The following FER variants were observed in gnomAD, a reference collection of about 807,000 sequenced individuals.
FER encodes the protein tyrosine-protein kinase Fer.
In FER, 63 loss-of-function variants were observed where a neutral mutation model predicts 111.0. The ratio of observed to expected loss-of-function variants is 0.57; its 90% CI spans 0.46 to 0.70. The LOEUF is 0.70. FER is among the 30% of genes least tolerant of loss of function. The pLI, the probability that FER is intolerant of heterozygous loss-of-function variation, is 0.00. For synonymous variants in FER, 327 were observed against 313.9 expected (o/e 1.04, Z -0.44); for missense variants, 914 against 954.0 (o/e 0.96, Z 0.55).
chr5:109,014,531 G>C (rs1466116220), intron 13 of FER, among the ~76,000 whole-genome samples: 1 of 152,096 alleles, frequency 6.6e-6, no homozygotes, highest in East Asian at 1.9e-4. Context: ...CTCCAGCTTT[G>C]TTCTTTTGGC....
At chr5:108,785,426 A>G (rs751688552) in intron 2 of FER, 26 of 583,804 alleles carry the variant, frequency 4.5e-5, no homozygotes, top group Non-Finnish European at 7.5e-5. Flanking sequence ...GCAAGAAGTT[A>G]TTAGTACTGG....
rs542165174 is a variant in FER, at chr5:109,187,948, G to A, written c.*373G>A. 1.2e-4 allele frequency: 25 copies of A among 216,122 alleles called. No homozygotes were observed. Among genetic ancestry groups the A allele is most frequent in the African/African-American group, 1.9e-4 (8 of 42,372 alleles). The allele number at this position is 216,122 out of a possible 1,614,324, so 13.4% of individuals were successfully genotyped here. ...CATCCTATGCCACAGACCCTACTCC[G>A]TTGGTGCTATAAACAGCATTGGTAA... On this transcript the variant is annotated 3_prime_UTR_variant, in exon 20 of 20. Transcript: ENST00000281092.
intron 16 of FER, chr5:109,051,380 G>C: frequency 6.2e-7 from 1 of 1,611,488 alleles, no homozygotes; most frequent in Non-Finnish European, 8.5e-7. Context: ...GAAGGTTGCT[G>C]GTCCACAATG....
At chr5:109,140,195 A>G (rs1034404945) in intron 17 of FER, among the ~76,000 whole-genome samples, 1 of 152,242 alleles carries the variant, frequency 6.6e-6, no homozygotes, top group Admixed American at 6.5e-5. Flanking sequence ...CTTAATTCAA[A>G]TAAAGCTTTA....
chr5:108,902,550 A>G (rs185680617), intron 10 of FER, among the ~76,000 whole-genome samples: 1 of 152,196 alleles, frequency 6.6e-6, no homozygotes, highest in East Asian at 1.9e-4. Flanking sequence ...GGGAAATAGT[A>G]TATGGGATGC....
chr5:108,926,203 A>G (rs1753718369), intron 10 of FER, among the ~76,000 whole-genome samples: 1 of 151,296 alleles, frequency 6.6e-6, no homozygotes, highest in East Asian at 1.9e-4. Context: ...TCTGATATAT[A>G]TTCTTTTATT....
At chr5:108,801,050 A>G (rs1261888130) in intron 3 of FER, among the ~76,000 whole-genome samples, 1 of 152,074 alleles carries the variant, frequency 6.6e-6, no homozygotes, top group Non-Finnish European at 1.5e-5. Flanking sequence ...CTGTCTCACA[A>G]AAAAAAATCT....
At chr5:109,048,115 AATTTT>A (rs1347062606) in intron 16 of FER, among the ~76,000 whole-genome samples, 1 of 152,136 alleles carries the variant, frequency 6.6e-6, no homozygotes, top group African/African-American at 2.4e-5. Flanking sequence ...AAACGTTTCT[AATTTT>A]AATTAAAATA....
chr5:109,172,105 A>ACCCAGCCATC (rs1354541533), intron 17 of FER, among the ~76,000 whole-genome samples: 1 of 152,098 alleles, frequency 6.6e-6, no homozygotes, highest in East Asian at 1.9e-4. Context: ...AACTAGAAAT[A>ACCCAGCCATC]CCATTTGACC....
chr5:108,897,418 A>C (rs1431370231), intron 9 of FER, among the ~76,000 whole-genome samples: 1 of 152,168 alleles, frequency 6.6e-6, no homozygotes, highest in Non-Finnish European at 1.5e-5. Context: ...AATGCCATAG[A>C]TCATAATATA....
At chr5:108,880,925 A>G (rs779427666) in intron 8 of FER, among the ~76,000 whole-genome samples, 109 of 152,304 alleles carry the variant, frequency 7.2e-4, no homozygotes, top group South Asian at 1.2e-3. Context: ...CTGAATATGT[A>G]TAATAGTTTT....
At chr5:109,063,997 A>G (rs2149974303) in intron 16 of FER, among the ~76,000 whole-genome samples, 2 of 152,312 alleles carry the variant, frequency 1.3e-5, no homozygotes, top group Admixed American at 1.3e-4. Context: ...ATTTTACATC[A>G]TGCGTAATAT....
chr5:109,100,631 T>G (rs1748107790), intron 17 of FER, 112 bp downstream of exon 17: 1 of 1,107,244 alleles, frequency 9.0e-7, no homozygotes, highest in Non-Finnish European at 1.3e-6. Context: ...TCTTTTCTTG[T>G]TTTCTGTATT....
intron 17 of FER, among the ~76,000 whole-genome samples, chr5:109,133,732 A>T (rs1354249336): frequency 6.6e-6 from 1 of 152,154 alleles, no homozygotes; most frequent in African/African-American, 2.4e-5. Flanking sequence ...TATGTAACAA[A>T]ACTATATTCT....
intron 2 of FER, among the ~76,000 whole-genome samples, chr5:108,780,222 C>G (rs888607307): frequency 6.6e-6 from 1 of 151,966 alleles, no homozygotes; most frequent in Non-Finnish European, 1.5e-5. Flanking sequence ...AATTTCTGAC[C>G]TCTATCATTT....
At chr5:109,112,129 C>T (rs552281987) in intron 17 of FER, among the ~76,000 whole-genome samples, 1 of 151,432 alleles carries the variant, frequency 6.6e-6, no homozygotes, top group Non-Finnish European at 1.5e-5. Context: ...ACCTACCTCA[C>T]AGTCACTGTT....
At chr5:109,075,508 C>A (rs986515173) in intron 16 of FER, among the ~76,000 whole-genome samples, 2 of 150,782 alleles carry the variant, frequency 1.3e-5, no homozygotes, top group African/African-American at 2.4e-5. Context: ...ACTGCAAGCT[C>A]CGCCTCCCAG....
chr5:108,918,995 T>C (rs190443476), intron 10 of FER, among the ~76,000 whole-genome samples: 24 of 152,344 alleles, frequency 1.6e-4, no homozygotes, highest in African/African-American at 4.6e-4. Context: ...GTTTCAAAAA[T>C]TTTGAAGCTG....
intron 17 of FER, among the ~76,000 whole-genome samples, chr5:109,141,753 C>A (rs1753546599): frequency 6.6e-6 from 1 of 152,194 alleles, no homozygotes; most frequent in South Asian, 2.1e-4. Context: ...AGTCAAGTTA[C>A]ACAGCCATGC....
Sources: allele counts gnomAD v4.1 joint callset (sites outside exome capture counted in the v4.1 genomes callset), GRCh38; gene constraint gnomAD v4.1.1; transcripts MANE v1.5; gene names NCBI Gene and HGNC (gene_info 2026-07-23, HGNC 2026-07-21).